ZNF638: variants seen among roughly 807,000 people sequenced by gnomAD.
The protein encoded by ZNF638 is CTCL tumor antigen se33-1.
A neutral mutation model predicts 195.6 loss-of-function variants in ZNF638; 46 were observed. The ratio of observed to expected loss-of-function variants is 0.24; its 90% CI spans 0.19 to 0.30. ZNF638 has a LOEUF of 0.30. ZNF638 is among the 10% of genes least tolerant of loss of function. The pLI is 1.00. For missense variants in ZNF638, 2,440 were observed against 2,325.3 expected (o/e 1.05, Z -1.01); for synonymous variants, 845 against 772.0 (o/e 1.09, Z -1.57).
At position 71,348,859 on chromosome 2, in the gene ZNF638, A is replaced by G. The variant is rs771571099; in HGVS notation, c.-96A>G. ...ATCTCCTTTGCACTTTGCTCAGATT[A>G]AGACTCAGTTGGCGCTTCAGCAGCT... On this transcript the variant is annotated 5_prime_UTR_variant, in exon 2 of 28. Transcript: ENST00000264447. 40 of 1,611,872 alleles carry G rather than the reference A, an allele frequency of 2.5e-5. No homozygotes were observed. The highest frequency in any genetic ancestry group is 3.1e-5 in the Non-Finnish European group (36 of 1,179,816).
intron 10 of ZNF638, chr2:71,395,469 A>G (rs907865008): frequency 3.3e-6 from 2 of 610,568 alleles, no homozygotes; most frequent in African/African-American, 3.7e-5. Context: ...GAAGGCAGCT[A>G]AATTCTCTTA....
chr2:71,343,162 A>G (rs560098770), intron 1 of ZNF638, among the ~76,000 whole-genome samples: 428 of 152,304 alleles, frequency 2.8e-3, no homozygotes, highest in Admixed American at 5.1e-3. Context: ...CCTTGTTATA[A>G]TACTGACAAA....
rs1573172743 is a variant in ZNF638, at chr2:71,426,654, A to G, written c.4785A>G (p.Glu1595=). The G allele has an allele frequency of 6.2e-7, 1 of 1,614,220 alleles. No individual in the cohort carries two copies. Among genetic ancestry groups the G allele is most frequent in the South Asian group, 1.1e-5 (1 of 91,090 alleles). The change falls in exon 24 of 28, where the codon GAA becomes GAG. Residue 1595 remains glutamate, a synonymous_variant. Transcript: ENST00000264447. ...CCACTCCTCGTGGTGTTGAGGGAGAACTATCTTTTGTGACATTGGATGAGA... is the reference window on the plus strand; with the variant it reads ...CCACTCCTCGTGGTGTTGAGGGAGAGCTATCTTTTGTGACATTGGATGAGA... ...KTSTPRGVEG[E]LSFVTLDEIG...
chr2:71,356,749 A>T (rs576270243), intron 3 of ZNF638, among the ~76,000 whole-genome samples: 1 of 152,074 alleles, frequency 6.6e-6, no homozygotes, highest in East Asian at 1.9e-4. Flanking sequence ...TGATTGTGCC[A>T]CTGCACTCTA....
rs941029561 is a variant in ZNF638 at position 71,349,002 on chromosome 2, G to T, written c.48G>T (p.Arg16Ser). The T allele has an allele frequency of 6.2e-7, 1 of 1,614,092 alleles. No homozygotes were observed. The highest frequency in any genetic ancestry group is 1.1e-5 in the South Asian group (1 of 91,080). Residue 16 changes from arginine (R) to serine (S), a missense_variant, in exon 2 of 28, where the codon AGG becomes AGT. Transcript: ENST00000264447. The part of the protein sequence containing the change: ...FNPRGDFPLQ[R>S]PRAPNPSGMR... ...CTCGAGGAGACTTTCCACTTCAAAG[G>T]CCACGAGCACCTAACCCTTCTGGGA...
chr2:71,427,279 G>T lies in ZNF638; in HGVS notation c.5410G>T (p.Asp1804Tyr). The T allele has an allele frequency of 6.2e-7, 1 of 1,613,292 alleles. No individual in the cohort carries two copies. Among genetic ancestry groups the T allele is most frequent in the Non-Finnish European group, 8.5e-7 (1 of 1,179,818 alleles). Residue 1804 changes from aspartate to tyrosine, a missense_variant, in exon 24 of 28, where the codon GAT becomes TAT. Coordinates refer to ENST00000264447, the MANE Select transcript of ZNF638 (RefSeq NM_014497.5). ...LAQSKNDHPTDKKGNRKKRAV... is the reference protein window; with the variant it reads ...LAQSKNDHPTYKKGNRKKRAV... Reference sequence around the variant, plus strand: ...ACAAAGCAAAAATGACCATCCCACAGATAAAAAAGGGAATAGAAAGAAGAG... The same window carrying T: ...ACAAAGCAAAAATGACCATCCCACATATAAAAAAGGGAATAGAAAGAAGAG...
Position 71,349,134 on chromosome 2 carries a change from T to C in ZNF638, c.180T>C (p.Ser60=). Reference sequence around the variant, plus strand: ...CACACAGATTTGCTGGCCATGAATCTTATCAGAACATGGGGCCACAGAGAA... The same window carrying C: ...CACACAGATTTGCTGGCCATGAATCCTATCAGAACATGGGGCCACAGAGAA... ...GIPHRFAGHE[S]YQNMGPQRMN... Residue 60 remains serine (S), a synonymous_variant, in exon 2 of 28, where the codon TCT becomes TCC. Transcript: ENST00000264447. The C allele has an allele frequency of 1.2e-6, 2 of 1,614,168 alleles. No homozygotes were observed. The highest frequency in any genetic ancestry group is 1.3e-5 in the African/African-American group (1 of 75,040).
intron 26 of ZNF638, among the ~76,000 whole-genome samples, chr2:71,432,494 C>G (rs898453067): frequency 2.0e-5 from 3 of 152,190 alleles, no homozygotes; most frequent in Non-Finnish European, 4.4e-5. Context: ...AGCCACTTCT[C>G]CCAGCCAGAG....
intron 16 of ZNF638, among the ~76,000 whole-genome samples, chr2:71,402,734 T>C (rs889069768): frequency 1.4e-4 from 22 of 152,308 alleles, no homozygotes; most frequent in African/African-American, 5.3e-4. Flanking sequence ...AATCAACTTG[T>C]AGAAAGTATG....
At chr2:71,340,573 T>G (rs1481544253) in intron 1 of ZNF638, among the ~76,000 whole-genome samples, 1 of 152,174 alleles carries the variant, frequency 6.6e-6, no homozygotes, top group Non-Finnish European at 1.5e-5. Flanking sequence ...CAGTATCAAA[T>G]GAGGTATATG....
At chr2:71,432,402 T>C (rs1455111437) in intron 26 of ZNF638, among the ~76,000 whole-genome samples, 1 of 152,172 alleles carries the variant, frequency 6.6e-6, no homozygotes, top group Non-Finnish European at 1.5e-5. Flanking sequence ...GGTTTCACCT[T>C]GTTGCTTAGG....
At chr2:71,425,795 G>A (rs964742482) in intron 23 of ZNF638, among the ~76,000 whole-genome samples, 17 of 151,876 alleles carry the variant, frequency 1.1e-4, no homozygotes, top group African/African-American at 1.5e-4. Flanking sequence ...TCAGCCTCCC[G>A]AGTAGCTGGG....
At chr2:71,427,475 T>C in intron 24 of ZNF638, 61 bp downstream of exon 24, 2 of 1,257,210 alleles carry the variant, frequency 1.6e-6, no homozygotes, top group Non-Finnish European at 2.1e-6. Flanking sequence ...AAAATTAATT[T>C]TAAAATACAT....
intron 27 of ZNF638, 122 bp downstream of exon 27, chr2:71,433,405 C>G (rs1056875216): frequency 2.9e-6 from 2 of 698,396 alleles, no homozygotes; most frequent in Admixed American, 2.6e-5. Flanking sequence ...GTTTATTCCT[C>G]TTAAGTCCTG....
Position 71,349,770 on chromosome 2 carries a change from G to C in ZNF638, c.816G>C (p.Met272Ile). Reference protein sequence around the residue: ...MFPVEDVFRQMDFPGESSNNR... With the variant: ...MFPVEDVFRQIDFPGESSNNR... Reference sequence around the variant, plus strand: ...CTGTTGAAGACGTATTTCGCCAAATGGACTTCCCCGGTGAGTCCTCCAATA... The same window carrying C: ...CTGTTGAAGACGTATTTCGCCAAATCGACTTCCCCGGTGAGTCCTCCAATA... The change falls in exon 2 of 28, where the codon ATG becomes ATC. Residue 272 changes from methionine to isoleucine, a missense_variant. Physicochemically the swap from Met to Ile is conservative, Grantham distance 10 (BLOSUM62 1). Coordinates refer to ENST00000264447, the MANE Select transcript of ZNF638 (RefSeq NM_014497.5). The C allele has an allele frequency of 1.2e-6, 2 of 1,614,154 alleles. No individual in the cohort carries two copies. Among genetic ancestry groups the C allele is most frequent in the Non-Finnish European group, 1.7e-6 (2 of 1,180,028 alleles).
At chr2:71,400,445 TC>T in intron 14 of ZNF638, 32 bp from the exon 15 acceptor site, 4 of 1,588,226 alleles carry the variant, frequency 2.5e-6, no homozygotes, top group Non-Finnish European at 3.4e-6. Context: ...GATAAGTATG[TC>T]TGCATTGTTT....
chr2:71,388,637 A>G (rs753948908), intron 10 of ZNF638: 1 of 843,082 alleles, frequency 1.2e-6, no homozygotes, highest in South Asian at 1.3e-5. Flanking sequence ...GGTGGATCAG[A>G]CTCAGCAGCT....
intron 2 of ZNF638, 41 bp downstream of exon 2, chr2:71,350,312 A>T (rs1291377133): frequency 1.3e-6 from 2 of 1,557,486 alleles, no homozygotes; most frequent in Non-Finnish European, 1.7e-6. Context: ...AATGATGCTC[A>T]GCGCCAGTTT....
At chr2:71,402,173 G>T (rs1441254798) in intron 16 of ZNF638, 86 bp downstream of exon 16, 8 of 1,392,744 alleles carry the variant, frequency 5.7e-6, no homozygotes, top group Non-Finnish European at 7.7e-6. Context: ...AAAAGAAAAG[G>T]TTTAAAAGCA....
Sources: allele counts gnomAD v4.1 joint callset (sites outside exome capture counted in the v4.1 genomes callset), GRCh38; gene constraint gnomAD v4.1.1; transcripts MANE v1.5; gene names NCBI Gene and HGNC (gene_info 2026-07-23, HGNC 2026-07-21).